The following INPP4B variants were observed in gnomAD, a reference collection of about 807,000 sequenced individuals.
INPP4B encodes inositol polyphosphate 4-phosphatase type II.
In INPP4B, 55 loss-of-function variants were observed where a neutral mutation model predicts 122.5. That is an observed-to-expected ratio of 0.45 (90% confidence interval 0.36 to 0.56). INPP4B has a LOEUF of 0.56. Among genes scored for constraint, INPP4B ranks in the 20% least tolerant of loss-of-function variants. The pLI, the probability that INPP4B is intolerant of heterozygous loss-of-function variation, is 0.00. For synonymous variants in INPP4B, 403 were observed against 388.7 expected, an observed-to-expected ratio of 1.04 and a Z score of -0.43; for missense variants, 1,000 against 1,097.7, an observed-to-expected ratio of 0.91 and a Z score of 1.26.
chr4:142,776,829 G>A (rs548844137), intron 1 of INPP4B, among the ~76,000 whole-genome samples: 81 of 152,180 alleles, frequency 5.3e-4, no homozygotes, highest in Non-Finnish European at 9.1e-4. Context: ...AAAATTTAGA[G>A]TCACACAAAC....
rs1445189382 is a variant in INPP4B at position 142,230,647 on chromosome 4, A to T, written c.836+7217T>A. The stretch of plus-strand genomic sequence containing the variant: ...AACAGTAGTAAAACTCCACCTCAAA[A>T]AAAAAAAAAAAAAAAAAGAAAAGAA... On this transcript the variant is annotated intron_variant, in intron 12 of 25. Transcript: ENST00000262992. Among the ~76,000 whole-genome samples the T allele has an allele frequency of 5.9e-3, 779 of 132,628 alleles. 8 individuals carry two copies. Among genetic ancestry groups the T allele is most frequent in the African/African-American group, 0.023 (716 of 30,608 alleles). The allele number at this position is 132,628 out of a possible 152,430, so 87.0% of individuals were successfully genotyped here.
intron 2 of INPP4B, among the ~76,000 whole-genome samples, chr4:142,606,348 T>C (rs1741261878): frequency 6.6e-6 from 1 of 151,782 alleles, no homozygotes; most frequent in Admixed American, 6.6e-5. Flanking sequence ...CAGATCAAGG[T>C]ACTAGCAACA....
At chr4:142,733,526 T>C (rs1766394369) in intron 1 of INPP4B, among the ~76,000 whole-genome samples, 1 of 151,998 alleles carries the variant, frequency 6.6e-6, no homozygotes, top group Non-Finnish European at 1.5e-5. Context: ...ATCCTAAAAA[T>C]CCCTCACCTT....
chr4:142,310,164 C>T (rs1764949816), intron 8 of INPP4B, among the ~76,000 whole-genome samples: 1 of 151,938 alleles, frequency 6.6e-6, no homozygotes. Flanking sequence ...TGGACCTCCT[C>T]AAATTTATTC....
At chr4:142,711,726 C>A (rs1442770434) in intron 2 of INPP4B, among the ~76,000 whole-genome samples, 1 of 152,074 alleles carries the variant, frequency 6.6e-6, no homozygotes, top group South Asian at 2.1e-4. Flanking sequence ...GAGGACAGAG[C>A]CTTTATGGAT....
chr4:142,404,994 A>T (rs1266798564), intron 6 of INPP4B, among the ~76,000 whole-genome samples: 1 of 152,018 alleles, frequency 6.6e-6, no homozygotes, highest in Non-Finnish European at 1.5e-5. Flanking sequence ...GTAAATTACC[A>T]ATGCATTGCT....
At chr4:142,733,640 A>T (rs780820943) in intron 1 of INPP4B, among the ~76,000 whole-genome samples, 15 of 152,194 alleles carry the variant, frequency 9.9e-5, no homozygotes, top group Non-Finnish European at 2.1e-4. Context: ...GTTAGCAAGG[A>T]TGTGGAAGAA....
chr4:142,716,300 T>C (rs568848480), intron 2 of INPP4B, among the ~76,000 whole-genome samples: 48 of 152,340 alleles, frequency 3.2e-4, no homozygotes, highest in African/African-American at 1.1e-3. Flanking sequence ...TCAAACCTGT[T>C]TAATAACATA....
At chr4:142,796,033 T>G (rs1777193845) in intron 1 of INPP4B, among the ~76,000 whole-genome samples, 1 of 151,990 alleles carries the variant, frequency 6.6e-6, no homozygotes, top group Admixed American at 6.6e-5. Context: ...TTTACATCCA[T>G]TCCTCCTAAA....
chr4:142,245,192 T>C (rs1466288148), intron 11 of INPP4B, among the ~76,000 whole-genome samples: 1 of 152,216 alleles, frequency 6.6e-6, no homozygotes, highest in East Asian at 1.9e-4. Context: ...CTGATGATAG[T>C]TTCTTTTCTG....
In INPP4B at chr4:142,029,016, C is replaced by CAAAG. The variant is rs1354032072; in HGVS notation, c.2643-106_2643-103dup. The CAAAG allele has an allele frequency of 6.9e-6, 10 of 1,459,574 alleles. No individual in the cohort carries two copies. The East Asian group carries it at 7.3e-5, about 11-fold the overall frequency. The allele number at this position is 1,459,574 out of a possible 1,614,324, so 90.4% of individuals were successfully genotyped here. On this transcript the variant is annotated intron_variant, in intron 25 of 25. Transcript: ENST00000262992. ...GCAGCAACCATCCAAGTAAAAATAACAAAGATTCAACTCTACATTTTTTTT... is the reference window on the plus strand; with the variant it reads ...GCAGCAACCATCCAAGTAAAAATAACAAAGAAAGATTCAACTCTACATTTTTTTT...
At chr4:142,725,062 G>A (rs1765162577) in intron 2 of INPP4B, among the ~76,000 whole-genome samples, 1 of 152,040 alleles carries the variant, frequency 6.6e-6, no homozygotes, top group Non-Finnish European at 1.5e-5. Context: ...ATTCTAAACT[G>A]TCTGAAACTT....
intron 23 of INPP4B, among the ~76,000 whole-genome samples, chr4:142,098,914 C>T (rs1783269461): frequency 6.6e-6 from 1 of 151,970 alleles, no homozygotes; most frequent in South Asian, 2.1e-4. Context: ...GGACTGAATC[C>T]TAGGTCACTC....
chr4:142,617,722 A>G (rs1744021925), intron 2 of INPP4B, among the ~76,000 whole-genome samples: 2 of 152,146 alleles, frequency 1.3e-5, no homozygotes, highest in African/African-American at 4.8e-5. Flanking sequence ...AAAAGGGAGA[A>G]TATCCCTGAT....
chr4:142,554,241 C>T (rs542620338), intron 2 of INPP4B, among the ~76,000 whole-genome samples: 1 of 150,652 alleles, frequency 6.6e-6, no homozygotes, highest in African/African-American at 2.4e-5. Flanking sequence ...CACTTCCTTC[C>T]ACTCCAGATC....
chr4:142,241,174 T>C (rs537253801), intron 11 of INPP4B, among the ~76,000 whole-genome samples: 33 of 152,282 alleles, frequency 2.2e-4, no homozygotes, highest in African/African-American at 7.2e-4. Context: ...TCAATAACTA[T>C]GTAATACCTA....
chr4:142,132,390 C>T (rs1801764433), intron 18 of INPP4B, among the ~76,000 whole-genome samples: 1 of 152,086 alleles, frequency 6.6e-6, no homozygotes, highest in South Asian at 2.1e-4. Flanking sequence ...CTCTCTACTT[C>T]TTCATCCTTT....
chr4:142,265,911 T>TA (rs1742530984), intron 10 of INPP4B, among the ~76,000 whole-genome samples: 1 of 152,190 alleles, frequency 6.6e-6, no homozygotes. Flanking sequence ...GAGTATAATT[T>TA]AATTTCCACT....
intron 25 of INPP4B, among the ~76,000 whole-genome samples, chr4:142,049,150 T>TA (rs1365409531): frequency 3.3e-5 from 5 of 151,660 alleles, no homozygotes; most frequent in East Asian, 1.9e-4. Context: ...TTACAGTAAT[T>TA]AAAAAAAATG....
Sources: allele counts gnomAD v4.1 joint callset (sites outside exome capture counted in the v4.1 genomes callset), GRCh38; gene constraint gnomAD v4.1.1; transcripts MANE v1.5; gene names NCBI Gene and HGNC (gene_info 2026-07-23, HGNC 2026-07-21).